Variants in PM20D2 observed in about 807,000 individuals in gnomAD.
The protein encoded by PM20D2 is xaa-Arg dipeptidase.
Under a neutral mutation model 42.9 loss-of-function variants are expected in PM20D2, and 33 were observed. That is an observed-to-expected ratio of 0.77 (90% CI 0.58 to 1.03). The LOEUF (loss-of-function observed/expected upper bound fraction) is 1.03. Ranked by LOEUF, PM20D2 falls within the 50% of genes least tolerant of loss-of-function variation. The probability of loss-of-function intolerance (pLI) is 0.00; values close to 1 mark genes in which losing one functional copy is unlikely to be tolerated. For missense variants in PM20D2, 548 were observed against 557.0 expected (o/e 0.98, Z 0.16); for synonymous variants, 250 against 228.2 (o/e 1.10, Z -0.86).
At chr6:89,111,777 C>T in the PM20D2 span, among the ~76,000 whole-genome samples, 1 of 152,032 alleles carries the variant, frequency 6.6e-6, no homozygotes, top group Non-Finnish European at 1.5e-5. Flanking sequence ...TTATAGCTGA[C>T]ATTTATTAGG....
Position 89,154,879 on chromosome 6 carries a change from G to T in PM20D2, c.889G>T (p.Ala297Ser), listed in dbSNP as rs919779558. 6.2e-7 allele frequency: 1 copy of T among 1,602,680 alleles called. No individual in the cohort carries two copies. The highest frequency in any genetic ancestry group is 8.5e-7 in the Non-Finnish European group (1 of 1,175,974). ...TKKAEDCFRAAALASGCTVEI... is the reference protein window; with the variant it reads ...TKKAEDCFRASALASGCTVEI... ...AAAGGCAGAAGATTGCTTCAGAGCT[G>T]CAGCTTTGGCTTCAGGGTGCACAGT... is the stretch of plus-strand genomic sequence containing the variant. The change falls in exon 4 of 7, where the codon GCA (alanine) becomes TCA (serine). Residue 297 changes from alanine to serine, a missense_variant. By Grantham distance (99) the Ala-to-Ser change is moderately conservative. Transcript: ENST00000275072.
the PM20D2 span, among the ~76,000 whole-genome samples, chr6:89,113,793 C>T: frequency 6.6e-6 from 1 of 152,086 alleles, no homozygotes. Flanking sequence ...CAGGTGCGCA[C>T]TACCACACCT....
the PM20D2 span, among the ~76,000 whole-genome samples, chr6:89,103,435 T>A: frequency 6.6e-6 from 1 of 152,100 alleles, no homozygotes; most frequent in Non-Finnish European, 1.5e-5. Context: ...TTCAAGCGAT[T>A]CTCCTGCCTC....
chr6:89,125,467 G>A, the PM20D2 span, among the ~76,000 whole-genome samples: 4 of 132,000 alleles, frequency 3.0e-5, no homozygotes, highest in African/African-American at 1.2e-4. Context: ...GTGACAGAGC[G>A]AGACTCCGTC....
At chr6:89,105,345 A>T in the PM20D2 span, 1 of 1,559,630 alleles carries the variant, frequency 6.4e-7, no homozygotes, top group Admixed American at 1.9e-5. Context: ...TCATTTACTG[A>T]AAGAATTTTA....
chr6:89,122,418 A>T, the PM20D2 span, among the ~76,000 whole-genome samples: 2 of 152,242 alleles, frequency 1.3e-5, no homozygotes. Context: ...AATGTTGAGC[A>T]ATACATACGA....
the PM20D2 span, chr6:89,098,758 CT>C: frequency 3.1e-6 from 5 of 1,613,828 alleles, no homozygotes; most frequent in African/African-American, 6.7e-5. Context: ...AGCTAGTCTG[CT>C]TTTGAGGTGA....
In PM20D2 at chr6:89,164,938, A is replaced by AAAAAAAAAAAG. The variant is rs1554188017; in HGVS notation, c.*2679_*2680insAAAAAAGAAAA. Reference sequence around the variant, plus strand: ...CTGTGCCTGTAAAAAAAAAAAAAAAAAAAAGAAAAGAAAAGACACTGTTGC... The same window carrying AAAAAAAAAAAG: ...CTGTGCCTGTAAAAAAAAAAAAAAAAAAAAAAAAAAGAAAAGAAAAGAAAAGACACTGTTGC... On this transcript the variant is annotated 3_prime_UTR_variant, in exon 7 of 7. Coordinates refer to ENST00000275072, the MANE Select transcript of PM20D2 (RefSeq NM_001010853.3). 7.0e-6 allele frequency: 1 copy of AAAAAAAAAAAG among 142,768 alleles called. No individual in the cohort carries two copies. The highest frequency in any genetic ancestry group is 1.5e-5 in the Non-Finnish European group (1 of 66,582). 8.8% of individuals were successfully genotyped at this position (142,768 alleles called of 1,614,324 possible).
In PM20D2 at chr6:89,164,940, AAAG is replaced by A. The variant is rs1455565692; in HGVS notation, c.*2680_*2682del. On this transcript the variant is annotated 3_prime_UTR_variant, in exon 7 of 7. Coordinates refer to ENST00000275072, the MANE Select transcript of PM20D2 (RefSeq NM_001010853.3). ...GTGCCTGTAAAAAAAAAAAAAAAAAAAAGAAAAGAAAAGACACTGTTGCATGCC... is the reference window on the plus strand; with the variant it reads ...GTGCCTGTAAAAAAAAAAAAAAAAAAAAAAGAAAAGACACTGTTGCATGCC... 3.4e-3 allele frequency: 505 copies of A among 150,130 alleles called. No homozygotes were observed. Among genetic ancestry groups the A allele is most frequent in the African/African-American group, 0.012 (484 of 40,514 alleles). The allele number at this position is 150,130 out of a possible 1,614,324, so 9.3% of individuals were successfully genotyped here. A position where few individuals can be genotyped will look rare whatever the true frequency, so the allele number is the denominator to read the frequency against.
intron 1 of PM20D2, among the ~76,000 whole-genome samples, 180 bp from the exon 2 acceptor site, chr6:89,149,085 A>C (rs1478511203): frequency 2.0e-5 from 3 of 152,222 alleles, no homozygotes; most frequent in Non-Finnish European, 4.4e-5. Flanking sequence ...AACAATGTAC[A>C]TTTTGTGATT....
In PM20D2 at chr6:89,162,747, T is replaced by A. The variant is rs962280493; in HGVS notation, c.*484T>A. 6.6e-6 allele frequency: 1 copy of A among 152,420 alleles called. No homozygotes were observed. Among genetic ancestry groups the A allele is most frequent in the Admixed American group, 6.5e-5 (1 of 15,286 alleles). 9.4% of individuals were successfully genotyped at this position (152,420 alleles called of 1,614,324 possible). A position where few individuals can be genotyped will look rare whatever the true frequency, so the allele number is the denominator to read the frequency against. ...TCGTATATTAATTCCTCTACCAGAT[T>A]GTATATTTGAAGCCAGTGTCTTTCC... On this transcript the variant is annotated 3_prime_UTR_variant, in exon 7 of 7. Coordinates refer to ENST00000275072, the MANE Select transcript of PM20D2 (RefSeq NM_001010853.3).
the PM20D2 span, among the ~76,000 whole-genome samples, chr6:89,120,430 C>T: frequency 1.3e-5 from 2 of 152,150 alleles, no homozygotes; most frequent in Non-Finnish European, 2.9e-5. Flanking sequence ...ATTCAAACCA[C>T]TACATTGACT....
chr6:89,113,408 G>A, the PM20D2 span, among the ~76,000 whole-genome samples: 1 of 152,010 alleles, frequency 6.6e-6, no homozygotes, highest in Non-Finnish European at 1.5e-5. Context: ...TCCTGACCTC[G>A]TGATCCGCCC....
chr6:89,146,603 C>G lies in PM20D2; in HGVS notation c.459C>G (p.Pro153=). 3 of 1,440,996 alleles carry G rather than the reference C, an allele frequency of 2.1e-6. No homozygotes were observed. Among genetic ancestry groups the G allele is most frequent in the South Asian group, 1.4e-5 (1 of 72,064 alleles). 89.3% of individuals were successfully genotyped at this position (1,440,996 alleles called of 1,614,324 possible). The change falls in exon 1 of 7, where the codon CCC becomes CCG. Residue 153 remains proline, a synonymous_variant. Transcript: ENST00000275072. The part of the protein sequence containing the change: ...ALEGLPRPPP[P]VKVVVLGTPA... ...AGGGCCTCCCCAGGCCGCCTCCGCC[C>G]GTGAAGGTGAGGTGGGGCCCGGGTG... is the stretch of plus-strand genomic sequence containing the variant.
At position 89,149,347 on chromosome 6, in the gene PM20D2, ATGT is replaced by A. The variant is rs750981653; in HGVS notation, c.553_555del (p.Val185del). On this transcript the variant is annotated inframe_deletion, in exon 2 of 7. Coordinates refer to ENST00000275072, the MANE Select transcript of PM20D2 (RefSeq NM_001010853.3). Reference sequence around the variant, plus strand: ...GAAGCAGGGGCTTTTACAAATCTTGATGTTGTTTTTATGGCCCACCCATCACAA... The same window carrying A: ...GAAGCAGGGGCTTTTACAAATCTTGATGTTTTTATGGCCCACCCATCACAA... 4.3e-6 allele frequency: 7 copies of A among 1,613,984 alleles called. No individual in the cohort carries two copies. In the Admixed American group the frequency reaches 5.0e-5, roughly 12 times the overall value.
the PM20D2 span, among the ~76,000 whole-genome samples, chr6:89,121,830 C>A: frequency 3.3e-5 from 5 of 152,092 alleles, no homozygotes; most frequent in Admixed American, 6.6e-5. Flanking sequence ...AAATTATGAT[C>A]AATTAAATGC....
the PM20D2 span, among the ~76,000 whole-genome samples, chr6:89,112,853 G>A: frequency 6.6e-6 from 1 of 152,058 alleles, no homozygotes; most frequent in South Asian, 2.1e-4. Flanking sequence ...TCCTAGACAG[G>A]TGTACCTTTT....
At chr6:89,098,882 G>A in the PM20D2 span, 2 of 1,613,892 alleles carry the variant, frequency 1.2e-6, no homozygotes, top group Non-Finnish European at 8.5e-7. Context: ...TGCTGAGGTA[G>A]ACCGCCTTGG....
the PM20D2 span, chr6:89,117,768 C>G: frequency 6.7e-7 from 1 of 1,495,918 alleles, no homozygotes; most frequent in South Asian, 1.3e-5. Flanking sequence ...CTCCGCGGCG[C>G]GGCTGTTACC....
Sources: gnomAD v4.1 joint callset for allele counts (sites outside exome capture counted in the v4.1 genomes callset) on GRCh38, gnomAD v4.1.1 for gene constraint, MANE v1.5 for transcripts, NCBI Gene and HGNC (gene_info 2026-07-23, HGNC 2026-07-21) for gene names.